The following BRD10 variants were observed in gnomAD, a reference collection of about 807,000 sequenced individuals.
BRD10 encodes bromodomain containing 10, also known as uncharacterized bromodomain-containing protein 10.
At chr9:5,934,358 C>CTT in the BRD10 span, among the ~76,000 whole-genome samples, 1,342 of 129,976 alleles carry the variant, frequency 0.01, 80 homozygotes, top group African/African-American at 0.036. Context: ...TTACGCTTTT[C>CTT]TTTTTTTTTT....
At chr9:5,913,606 A>G in the BRD10 span, among the ~76,000 whole-genome samples, 1 of 152,206 alleles carries the variant, frequency 6.6e-6, no homozygotes, top group African/African-American at 2.4e-5. Flanking sequence ...AGCCCTTTAA[A>G]ATCTCTTAAA....
At chr9:5,906,970 CTCT>C in the BRD10 span, 14 of 1,599,982 alleles carry the variant, frequency 8.8e-6, no homozygotes, top group Admixed American at 1.8e-5. Flanking sequence ...AGCAAAGTGT[CTCT>C]TCAAGAGAAA....
the BRD10 span, among the ~76,000 whole-genome samples, chr9:5,886,605 C>T: frequency 1.3e-5 from 2 of 152,204 alleles, no homozygotes; most frequent in Middle Eastern, 3.2e-3. Context: ...AGAGCTCCTG[C>T]TGTTAGTTTG....
At chr9:5,943,404 T>G in the BRD10 span, among the ~76,000 whole-genome samples, 1 of 152,148 alleles carries the variant, frequency 6.6e-6, no homozygotes, top group African/African-American at 2.4e-5. Flanking sequence ...ATTGGCAACT[T>G]TATTTAACAG....
the BRD10 span, chr9:5,920,919 G>A: frequency 2.5e-6 from 4 of 1,613,824 alleles, no homozygotes; most frequent in South Asian, 4.4e-5. Flanking sequence ...GACAAAATAG[G>A]CATAATTCTT....
At chr9:5,920,422 A>G in the BRD10 span, 2 of 1,614,006 alleles carry the variant, frequency 1.2e-6, no homozygotes, top group Non-Finnish European at 1.7e-6. Flanking sequence ...GACTAGTTAC[A>G]TTGGATGGTG....
At chr9:5,991,426 T>C in the BRD10 span, among the ~76,000 whole-genome samples, 1 of 152,034 alleles carries the variant, frequency 6.6e-6, no homozygotes. Context: ...GTAATCCTTT[T>C]AAAAAGCAAA....
At chr9:5,954,472 G>A in the BRD10 span, among the ~76,000 whole-genome samples, 1 of 152,146 alleles carries the variant, frequency 6.6e-6, no homozygotes, top group Admixed American at 6.5e-5. Context: ...CATTGACTTC[G>A]CAGTCAGGAA....
the BRD10 span, among the ~76,000 whole-genome samples, chr9:5,971,500 G>C: frequency 6.6e-6 from 1 of 152,084 alleles, no homozygotes; most frequent in African/African-American, 2.4e-5. Flanking sequence ...CTATAAATCA[G>C]ATTGCAATCC....
chr9:5,934,091 A>AC, the BRD10 span, among the ~76,000 whole-genome samples: 2,253 of 152,306 alleles, frequency 0.015, 23 homozygotes, highest in Non-Finnish European at 0.024. Flanking sequence ...ATGAAGAAAA[A>AC]ATTAAAATCA....
the BRD10 span, among the ~76,000 whole-genome samples, chr9:5,945,750 T>C: frequency 2.6e-5 from 4 of 152,016 alleles, no homozygotes; most frequent in African/African-American, 9.7e-5. Context: ...CTCCAATTCA[T>C]TCAATATACT....
At chr9:5,930,257 A>T in the BRD10 span, among the ~76,000 whole-genome samples, 6 of 151,558 alleles carry the variant, frequency 4.0e-5, no homozygotes, top group Non-Finnish European at 7.4e-5. Flanking sequence ...TCCTACAGCA[A>T]CTGTTGAGTC....
chr9:5,889,032 T>C, the BRD10 span, among the ~76,000 whole-genome samples: 1 of 152,180 alleles, frequency 6.6e-6, no homozygotes, highest in Admixed American at 6.5e-5. Flanking sequence ...AAAAAGGTCA[T>C]GGTCACTGTT....
the BRD10 span, chr9:5,953,909 CAAGT>C: frequency 8.7e-6 from 6 of 692,152 alleles, no homozygotes; most frequent in Non-Finnish European, 1.5e-5. Context: ...CATTTCATTA[CAAGT>C]AAGTGTGCTA....
chr9:5,990,144 T>C, the BRD10 span, among the ~76,000 whole-genome samples: 1 of 152,236 alleles, frequency 6.6e-6, no homozygotes, highest in Non-Finnish European at 1.5e-5. Flanking sequence ...TCCTTCAGTA[T>C]ACAATGGCAT....
chr9:5,984,774 T>C, the BRD10 span, among the ~76,000 whole-genome samples: 3 of 151,890 alleles, frequency 2.0e-5, no homozygotes, highest in African/African-American at 7.2e-5. Flanking sequence ...GGTAACCAAA[T>C]ATGTAAAAAA....
At chr9:5,996,739 C>T in the BRD10 span, among the ~76,000 whole-genome samples, 134,852 of 152,232 alleles carry the variant, frequency 0.89, 60,798 homozygotes, top group Non-Finnish European at 0.99. Context: ...TACAGACAAA[C>T]AGTATTTGAA....
chr9:6,006,246 G>C, the BRD10 span, among the ~76,000 whole-genome samples: 2 of 152,152 alleles, frequency 1.3e-5, no homozygotes, highest in African/African-American at 4.8e-5. Context: ...GCAACTCTAT[G>C]AGAGAAGTAC....
the BRD10 span, chr9:5,929,108 T>C: frequency 1.9e-6 from 3 of 1,609,602 alleles, no homozygotes; most frequent in Admixed American, 3.4e-5. Context: ...AAAAGACGTA[T>C]CAATGTACTA....
Sources: allele counts gnomAD v4.1 joint callset (sites outside exome capture counted in the v4.1 genomes callset), GRCh38; gene constraint gnomAD v4.1.1; transcripts MANE v1.5; gene names NCBI Gene and HGNC (gene_info 2026-07-23, HGNC 2026-07-21).